Variants in TMEM63C observed in about 807,000 individuals in gnomAD.
TMEM63C encodes the protein transmembrane protein 63C.
A neutral mutation model predicts 99.2 loss-of-function variants in TMEM63C; 32 were observed. That is an observed-to-expected ratio of 0.32 (90% CI 0.24 to 0.43). The LOEUF is 0.43. Among genes scored for constraint, TMEM63C ranks in the 20% least tolerant of loss-of-function variants. The pLI is 1.00. For synonymous variants in TMEM63C, 376 were observed against 397.9 expected, an observed-to-expected ratio of 0.94 and a Z score of 0.66; for missense variants, 826 against 1,053.0, an observed-to-expected ratio of 0.78 and a Z score of 2.98.
intron 1 of TMEM63C, among the ~76,000 whole-genome samples, chr14:77,203,220 A>G (rs536159475): frequency 6.6e-6 from 1 of 152,070 alleles, no homozygotes; most frequent in African/African-American, 2.4e-5. Context: ...TCTACTAAAA[A>G]TACAAAAATT....
rs1170525691 is a variant in TMEM63C, at chr14:77,257,516, G to A, written c.*790G>A. 1 of 152,230 alleles carries A rather than the reference G, an allele frequency of 6.6e-6. No individual in the cohort carries two copies. The highest frequency in any genetic ancestry group is 2.4e-5 in the African/African-American group (1 of 41,442). 9.4% of individuals were successfully genotyped at this position (152,230 alleles called of 1,614,324 possible). On this transcript the variant is annotated 3_prime_UTR_variant, in exon 24 of 24. Transcript: ENST00000298351. The stretch of plus-strand genomic sequence containing the variant: ...AGTCCTTGCTGGGTAACACAAAGTG[G>A]GGTGAGACGACAGAAGCCGAATTCA...
intron 1 of TMEM63C, among the ~76,000 whole-genome samples, chr14:77,206,578 T>C (rs978478324): frequency 2.0e-5 from 3 of 152,126 alleles, no homozygotes; most frequent in African/African-American, 7.2e-5. Context: ...TCTTTCTGAG[T>C]AGGCAGCCTG....
intron 1 of TMEM63C, among the ~76,000 whole-genome samples, chr14:77,199,767 A>G (rs554989831): frequency 1.3e-5 from 2 of 152,102 alleles, no homozygotes; most frequent in African/African-American, 4.8e-5. Flanking sequence ...GGACTCCTTC[A>G]CCTCCAGCAG....
At position 77,240,625 on chromosome 14, in the gene TMEM63C, C is replaced by T. The variant is rs754352292; in HGVS notation, c.1064+17C>T. 1.3e-5 allele frequency: 21 copies of T among 1,605,088 alleles called. No homozygotes were observed. The East Asian group carries it at 2.9e-4, about 22-fold the overall frequency. ...GGCCAAGCGGTGAGCACCAGGCAGG[C>T]GCCCCACCCAGCCCCAAGCATACTC... On this transcript the variant is annotated intron_variant, in intron 13 of 23. Transcript: ENST00000298351.
chr14:77,246,060 C>A lies in TMEM63C; in HGVS notation c.1535+34C>A, dbSNP rs1478858821. ...CTTCCAATTATCCCTTCCTTCTTAG[C>A]CAGGCTCTCTTAGAGTTAAGACCTC... On this transcript the variant is annotated intron_variant, in intron 17 of 23. Transcript: ENST00000298351. 10 of 1,530,890 alleles carry A rather than the reference C, an allele frequency of 6.5e-6. No homozygotes were observed. In the Admixed American group the frequency reaches 1.5e-4, roughly 23 times the overall value. 94.8% of individuals were successfully genotyped at this position (1,530,890 alleles called of 1,614,324 possible). A position where few individuals can be genotyped will look rare whatever the true frequency, so the allele number is the denominator to read the frequency against.
At position 77,246,046 on chromosome 14, in the gene TMEM63C, C is replaced by A. The variant is rs998072794; in HGVS notation, c.1535+20C>A. 2 of 1,577,352 alleles carry A rather than the reference C, an allele frequency of 1.3e-6. No homozygotes were observed. Among genetic ancestry groups the A allele is most frequent in the Non-Finnish European group, 1.7e-6 (2 of 1,146,406 alleles). On this transcript the variant is annotated intron_variant, in intron 17 of 23. Coordinates refer to ENST00000298351, the MANE Select transcript of TMEM63C (RefSeq NM_020431.4). ...GACCAGGTACCTCACTTCCAATTAT[C>A]CCTTCCTTCTTAGCCAGGCTCTCTT...
At chr14:77,246,147 C>A in intron 17 of TMEM63C, 121 bp downstream of exon 17, 1 of 788,706 alleles carries the variant, frequency 1.3e-6, no homozygotes, top group Non-Finnish European at 2.2e-6. Flanking sequence ...AAGACAGCCC[C>A]ATGCCTGTCA....
At chr14:77,208,529 A>G (rs967751099) in intron 1 of TMEM63C, among the ~76,000 whole-genome samples, 1 of 152,174 alleles carries the variant, frequency 6.6e-6, no homozygotes, top group African/African-American at 2.4e-5. Flanking sequence ...AGCCTTGTAA[A>G]TCTATCTCCA....
rs555114092 is a variant in TMEM63C, at chr14:77,229,820, A to G, written c.351-1768A>G. Among the ~76,000 whole-genome samples, 4 of 151,928 alleles carry G rather than the reference A, an allele frequency of 2.6e-5. No homozygotes were observed. In the East Asian group the frequency reaches 7.7e-4, roughly 29 times the overall value. ...GATGAATTATTTACTTCTTTTTCAT[A>G]TTTTCCAAAGTTTCTATGAGCACTT... is the stretch of plus-strand genomic sequence containing the variant. On this transcript the variant is annotated intron_variant, in intron 6 of 23. Coordinates refer to ENST00000298351, the MANE Select transcript of TMEM63C (RefSeq NM_020431.4).
At chr14:77,246,237 G>C (rs1178635911) in intron 17 of TMEM63C, among the ~76,000 whole-genome samples, 1 of 152,220 alleles carries the variant, frequency 6.6e-6, no homozygotes, top group African/African-American at 2.4e-5. Flanking sequence ...TTATCATCTG[G>C]CTGGGGACAC....
At chr14:77,246,322 G>C (rs925879291) in intron 17 of TMEM63C, among the ~76,000 whole-genome samples, 2 of 152,268 alleles carry the variant, frequency 1.3e-5, no homozygotes, top group Non-Finnish European at 2.9e-5. Context: ...ATTCAGAAGA[G>C]GGAGAGAGTA....
intron 5 of TMEM63C, among the ~76,000 whole-genome samples, chr14:77,221,826 T>C (rs1233873499): frequency 6.6e-6 from 1 of 151,458 alleles, no homozygotes; most frequent in African/African-American, 2.4e-5. Context: ...GCCTGCGTTC[T>C]CTGAAACGTC....
At chr14:77,255,770 T>C (rs967904689) in intron 23 of TMEM63C, among the ~76,000 whole-genome samples, 4 of 152,264 alleles carry the variant, frequency 2.6e-5, no homozygotes, top group Non-Finnish European at 5.9e-5. Flanking sequence ...TCAGTTGACA[T>C]TTACCCCTTT....
At chr14:77,233,427 G>A (rs1390010769) in intron 7 of TMEM63C, 25 bp from the exon 8 acceptor site, 1 of 1,611,472 alleles carries the variant, frequency 6.2e-7, no homozygotes. Context: ...CCAGGCTCGA[G>A]GTCAGCAACT....
At chr14:77,231,483 C>T (rs202217797) in intron 6 of TMEM63C, 105 bp from the exon 7 acceptor site, 12 of 1,080,224 alleles carry the variant, frequency 1.1e-5, no homozygotes, top group Admixed American at 8.3e-5. Context: ...AAAAAAAAAA[C>T]TTGGGGAGGG....
chr14:77,237,334 C>G (rs1245102287), intron 9 of TMEM63C, among the ~76,000 whole-genome samples: 2 of 152,080 alleles, frequency 1.3e-5, no homozygotes, highest in Non-Finnish European at 2.9e-5. Flanking sequence ...ATCAGAGACC[C>G]CCGTGTATCC....
intron 8 of TMEM63C, 41 bp downstream of exon 8, chr14:77,233,541 G>T (rs758750306): frequency 6.2e-7 from 1 of 1,605,626 alleles, no homozygotes; most frequent in Admixed American, 1.7e-5. Flanking sequence ...TTGGCTGGGG[G>T]TGTTGGTGTG....
chr14:77,247,852 A>C (rs1594869385), intron 18 of TMEM63C, among the ~76,000 whole-genome samples: 1 of 152,156 alleles, frequency 6.6e-6, no homozygotes, highest in African/African-American at 2.4e-5. Flanking sequence ...TGATCTGCTC[A>C]CCTCGGCCTC....
At chr14:77,239,330 G>A (rs1889114712) in intron 10 of TMEM63C, 82 bp from the exon 11 acceptor site, 9 of 1,451,366 alleles carry the variant, frequency 6.2e-6, no homozygotes, top group Non-Finnish European at 8.7e-6. Flanking sequence ...CCAGCCCTCA[G>A]GGCCGACATG....
Sources: allele counts gnomAD v4.1 joint callset (sites outside exome capture counted in the v4.1 genomes callset), GRCh38; gene constraint gnomAD v4.1.1; transcripts MANE v1.5; gene names NCBI Gene and HGNC (gene_info 2026-07-23, HGNC 2026-07-21).